POR: variants seen among roughly 807,000 people sequenced by gnomAD.
The protein encoded by POR is cytochrome p450 oxidoreductase, also known as NADPH--cytochrome P450 reductase.
A neutral mutation model predicts 84.0 loss-of-function variants in POR; 56 were observed. That is an observed-to-expected ratio of 0.67 (90% CI 0.54 to 0.83). POR has a LOEUF of 0.83. Among genes scored for constraint, POR ranks in the 40% least tolerant of loss-of-function variants. POR has a pLI of 0.00. For missense variants in POR, 938 were observed against 944.3 expected (o/e 0.99, Z 0.09); for synonymous variants, 414 against 400.5 (o/e 1.03, Z -0.40).
At position 75,940,929 on chromosome 7, in the gene POR, G is replaced by A. The variant is rs368378308; in HGVS notation, c.-4-13060G>A. On this transcript the variant is annotated intron_variant, in intron 1 of 15. Transcript: ENST00000461988. ...GAATCCCAGGACTTTGGGAGGCCAA[G>A]GTGCGAGGATCGCTTGAGCCCAGGA... Among the ~76,000 whole-genome samples the A allele has an allele frequency of 2.6e-5, 4 of 152,338 alleles. No homozygotes were observed. In the South Asian group the frequency reaches 8.3e-4, roughly 32 times the overall value.
At chr7:75,953,288 G>C (rs372299479) in intron 1 of POR, among the ~76,000 whole-genome samples, 31 of 144,714 alleles carry the variant, frequency 2.1e-4, no homozygotes, top group South Asian at 2.3e-4. Context: ...AGCTTCGGCT[G>C]GGCATCAGAG....
intron 3 of POR, among the ~76,000 whole-genome samples, chr7:75,978,394 T>C (rs1010422570): frequency 2.6e-5 from 4 of 152,232 alleles, no homozygotes; most frequent in Admixed American, 6.5e-5. Flanking sequence ...TTACAGAGAA[T>C]TTACATTACA....
intron 1 of POR, among the ~76,000 whole-genome samples, chr7:75,917,913 C>T (rs139696592): frequency 1.2e-3 from 176 of 152,230 alleles, no homozygotes; most frequent in African/African-American, 4.1e-3. Flanking sequence ...CCTGTAATTC[C>T]GGCACTTTGG....
intron 1 of POR, among the ~76,000 whole-genome samples, chr7:75,928,391 A>G (rs1258024589): frequency 5.3e-5 from 8 of 152,196 alleles, no homozygotes; most frequent in African/African-American, 1.9e-4. Context: ...CAGCAGACGT[A>G]TGTTCACTGC....
chr7:75,980,729 A>AAGGTCTGGCTGGACGACTG, intron 5 of POR: 1 of 1,505,416 alleles, frequency 6.6e-7, no homozygotes, highest in Non-Finnish European at 8.9e-7. Context: ...AAAGGCAAGA[A>AAGGTCTGGCTGGACGACTG]AGGTCTGGCT....
intron 1 of POR, chr7:75,921,345 T>G (rs1469702265): frequency 6.7e-6 from 1 of 149,824 alleles, no homozygotes; most frequent in Non-Finnish European, 1.5e-5. Flanking sequence ...CACTGCAACC[T>G]CTGCCTCCCA....
chr7:75,965,971 G>A (rs1788162988), intron 2 of POR, among the ~76,000 whole-genome samples: 1 of 152,140 alleles, frequency 6.6e-6, no homozygotes, highest in Non-Finnish European at 1.5e-5. Flanking sequence ...TGCTTGGGGA[G>A]CAGACAGGAA....
chr7:75,985,771 G>C lies in POR; in HGVS notation c.1591G>C (p.Val531Leu). The C allele has an allele frequency of 6.3e-7, 1 of 1,578,026 alleles. No individual in the cohort carries two copies. Among genetic ancestry groups the C allele is most frequent in the Non-Finnish European group, 8.6e-7 (1 of 1,162,974 alleles). The change falls in exon 13 of 16, where the codon GTC becomes CTC. Residue 531 changes from valine to leucine, a missense_variant. Val to Leu is a conservative substitution (Grantham distance 32, BLOSUM62 1). Coordinates refer to ENST00000461988, the MANE Select transcript of POR (RefSeq NM_000941.3). Reference sequence around the variant, plus strand: ...CCTGCCCTTCAAGGCCACCACGCCTGTCATCATGGTGGGCCCCGGCACCGG... The same window carrying C: ...CCTGCCCTTCAAGGCCACCACGCCTCTCATCATGGTGGGCCCCGGCACCGG...
intron 8 of POR, among the ~76,000 whole-genome samples, chr7:75,982,911 T>C (rs1266618767): frequency 3.3e-5 from 5 of 152,164 alleles, no homozygotes; most frequent in Admixed American, 6.6e-5. Context: ...TGCTCCTCAT[T>C]TGGGGACCAG....
At chr7:75,935,308 G>A (rs1000030243) in intron 1 of POR, among the ~76,000 whole-genome samples, 2 of 152,010 alleles carry the variant, frequency 1.3e-5, no homozygotes, top group East Asian at 1.9e-4. Context: ...GTGCATTGGC[G>A]CTATCTCAGT....
At chr7:75,963,601 G>T (rs980432067) in intron 2 of POR, among the ~76,000 whole-genome samples, 12 of 152,224 alleles carry the variant, frequency 7.9e-5, no homozygotes, top group Admixed American at 3.9e-4. Context: ...ATGGCACAGT[G>T]GGACATGTGC....
intron 2 of POR, among the ~76,000 whole-genome samples, chr7:75,956,936 G>A (rs1787711944): frequency 6.6e-6 from 1 of 152,226 alleles, no homozygotes. Context: ...ATGTTGGCCA[G>A]GCTGGTCTCA....
intron 1 of POR, among the ~76,000 whole-genome samples, chr7:75,936,823 AT>A (rs71519400): frequency 0.032 from 3,895 of 123,586 alleles, 81 homozygotes; most frequent in East Asian, 0.12. Flanking sequence ...ATTATTATTA[AT>A]TTTTTTTTTT....
At chr7:75,927,650 G>C (rs1807197170) in intron 1 of POR, among the ~76,000 whole-genome samples, 1 of 150,902 alleles carries the variant, frequency 6.6e-6, no homozygotes, top group African/African-American at 2.5e-5. Context: ...TGAATTTTAT[G>C]GTGTGTGAAT....
intron 1 of POR, among the ~76,000 whole-genome samples, chr7:75,951,257 C>T (rs1164075790): frequency 2.6e-5 from 4 of 151,140 alleles, no homozygotes; most frequent in South Asian, 4.2e-4. Flanking sequence ...AGCCAGGTGT[C>T]GTGGCGGGCA....
chr7:75,966,738 G>A (rs1221765698), intron 2 of POR, among the ~76,000 whole-genome samples: 1 of 152,094 alleles, frequency 6.6e-6, no homozygotes, highest in Non-Finnish European at 1.5e-5. Flanking sequence ...CGCACATCTC[G>A]GTTCATCTCG....
chr7:75,944,272 A>T (rs1424386902), intron 1 of POR, among the ~76,000 whole-genome samples: 2 of 152,230 alleles, frequency 1.3e-5, no homozygotes, highest in Non-Finnish European at 1.5e-5. Flanking sequence ...TACACCTGTA[A>T]TCCCAACACT....
chr7:75,925,506 T>A (rs1554549355), intron 1 of POR, among the ~76,000 whole-genome samples: 2 of 152,164 alleles, frequency 1.3e-5, no homozygotes, highest in East Asian at 3.8e-4. Context: ...GCCTGGGTGA[T>A]GGAGCAAGAC....
At chr7:75,934,663 T>C (rs2116299431) in intron 1 of POR, among the ~76,000 whole-genome samples, 1 of 152,200 alleles carries the variant, frequency 6.6e-6, no homozygotes, top group African/African-American at 2.4e-5. Flanking sequence ...GGAAGAATGC[T>C]TTGTGGTTCA....
Sources: allele counts gnomAD v4.1 joint callset (sites outside exome capture counted in the v4.1 genomes callset), GRCh38; gene constraint gnomAD v4.1.1; transcripts MANE v1.5; gene names NCBI Gene and HGNC (gene_info 2026-07-23, HGNC 2026-07-21).